The following GRIK2 variants were observed in gnomAD, a reference collection of about 807,000 sequenced individuals.
The protein encoded by GRIK2 is glutamate ionotropic receptor kainate type subunit 2.
GRIK2 carries 32 observed loss-of-function variants against 100.3 expected under a neutral mutation model. That is an observed-to-expected ratio of 0.32 (90% CI 0.24 to 0.43). GRIK2 has a LOEUF of 0.43. GRIK2 is among the 20% of genes least tolerant of loss of function. The pLI, the probability that GRIK2 is intolerant of heterozygous loss-of-function variation, is 1.00. For synonymous variants in GRIK2, 417 were observed against 389.4 expected, an observed-to-expected ratio of 1.07 and a Z score of -0.83; for missense variants, 843 against 1,114.9, an observed-to-expected ratio of 0.76 and a Z score of 3.47.
chr6:101,767,713 T>A (rs1778122938), intron 7 of GRIK2, among the ~76,000 whole-genome samples: 1 of 152,048 alleles, frequency 6.6e-6, no homozygotes, highest in African/African-American at 2.4e-5. Flanking sequence ...GTCAGGAGCA[T>A]GGGTGGTGGG....
At chr6:101,713,122 C>T (rs1291296714) in intron 7 of GRIK2, among the ~76,000 whole-genome samples, 1 of 151,752 alleles carries the variant, frequency 6.6e-6, no homozygotes, top group Non-Finnish European at 1.5e-5. Context: ...GGCAGGCTGT[C>T]AGCAAACCAA....
chr6:101,987,951 G>C (rs1794111261), intron 14 of GRIK2, among the ~76,000 whole-genome samples: 2 of 151,446 alleles, frequency 1.3e-5, no homozygotes, highest in Non-Finnish European at 3.0e-5. Context: ...GTGTTACCTT[G>C]GAAACTATTT....
intron 2 of GRIK2, among the ~76,000 whole-genome samples, chr6:101,573,795 A>G (rs552543704): frequency 3.4e-4 from 52 of 152,230 alleles, no homozygotes; most frequent in African/African-American, 1.2e-3. Context: ...TATTTAACCA[A>G]TATAAATTGA....
At chr6:101,530,993 G>A (rs536108109) in intron 2 of GRIK2, among the ~76,000 whole-genome samples, 4 of 151,946 alleles carry the variant, frequency 2.6e-5, no homozygotes, top group Non-Finnish European at 5.9e-5. Flanking sequence ...TCAGAGAATC[G>A]GAATGTGAGA....
intron 4 of GRIK2, 47 bp from the exon 5 acceptor site, chr6:101,676,575 TA>T: frequency 9.0e-7 from 1 of 1,110,782 alleles, no homozygotes; most frequent in South Asian, 1.6e-5. Context: ...TGCCCTACTC[TA>T]TTTTTTATCT....
rs568106215 is a variant in GRIK2 at position 101,430,545 on chromosome 6, C to T, written c.115+31153C>T. On this transcript the variant is annotated intron_variant, in intron 2 of 16. Transcript: ENST00000369134. ...GTGTTGGGTGTCCGGGCAGTGATCT[C>T]CTTCTATATCCTGTCAGTGATGCCC... 5.5e-5 allele frequency: 9 copies of T among 164,224 alleles called. No individual in the cohort carries two copies. The South Asian group carries it at 1.4e-3, about 26-fold the overall frequency. The allele number at this position is 164,224 out of a possible 1,614,324, so 10.2% of individuals were successfully genotyped here.
intron 5 of GRIK2, among the ~76,000 whole-genome samples, chr6:101,677,994 C>T (rs570304555): frequency 4.6e-4 from 70 of 152,092 alleles, no homozygotes; most frequent in Admixed American, 8.5e-4. Flanking sequence ...TAAAACAACG[C>T]ACTAAGATTA....
At chr6:101,759,135 C>T (rs990261670) in intron 7 of GRIK2, among the ~76,000 whole-genome samples, 1 of 152,110 alleles carries the variant, frequency 6.6e-6, no homozygotes, top group Non-Finnish European at 1.5e-5. Context: ...TAGGCATATT[C>T]TCTGCATCTG....
At chr6:101,526,168 A>C (rs940082780) in intron 2 of GRIK2, among the ~76,000 whole-genome samples, 1 of 152,146 alleles carries the variant, frequency 6.6e-6, no homozygotes, top group African/African-American at 2.4e-5. Context: ...ATCACCCTTG[A>C]CTTCAATTCA....
At chr6:101,743,919 G>C (rs902462651) in intron 7 of GRIK2, among the ~76,000 whole-genome samples, 1 of 151,972 alleles carries the variant, frequency 6.6e-6, no homozygotes, top group African/African-American at 2.4e-5. Context: ...TCCATTACCT[G>C]AGAAGTGTAC....
At chr6:101,657,038 A>T (rs532123548) in intron 4 of GRIK2, among the ~76,000 whole-genome samples, 31 of 152,332 alleles carry the variant, frequency 2.0e-4, no homozygotes, top group African/African-American at 7.5e-4. Flanking sequence ...CTTCATCTGC[A>T]GGTGGGGCTG....
intron 2 of GRIK2, among the ~76,000 whole-genome samples, chr6:101,617,397 T>C (rs1195444943): frequency 6.6e-6 from 1 of 151,832 alleles, no homozygotes; most frequent in Non-Finnish European, 1.5e-5. Context: ...CATTTGTTTG[T>C]GAGATTCATC....
chr6:101,522,346 T>A (rs549110641), intron 2 of GRIK2, among the ~76,000 whole-genome samples: 9 of 152,282 alleles, frequency 5.9e-5, no homozygotes, highest in Admixed American at 5.9e-4. Flanking sequence ...AGATAGGTTA[T>A]GTTATGATGC....
At chr6:101,711,076 A>G (rs911378219) in intron 7 of GRIK2, among the ~76,000 whole-genome samples, 8 of 151,704 alleles carry the variant, frequency 5.3e-5, no homozygotes, top group African/African-American at 1.9e-4. Flanking sequence ...GATTCCATGG[A>G]AGTTCACAAG....
intron 2 of GRIK2, among the ~76,000 whole-genome samples, chr6:101,513,796 A>G (rs1375103605): frequency 6.6e-6 from 1 of 152,056 alleles, no homozygotes; most frequent in East Asian, 1.9e-4. Context: ...AACTTATATT[A>G]GCAATAAAAC....
chr6:101,578,521 A>T (rs1777894405), intron 2 of GRIK2, among the ~76,000 whole-genome samples: 1 of 152,278 alleles, frequency 6.6e-6, no homozygotes, highest in South Asian at 2.1e-4. Flanking sequence ...CATATGGGGC[A>T]TTTGAACAAG....
intron 2 of GRIK2, among the ~76,000 whole-genome samples, chr6:101,597,055 A>C (rs895280953): frequency 3.3e-5 from 5 of 151,938 alleles, no homozygotes; most frequent in African/African-American, 1.2e-4. Flanking sequence ...AATACTATGC[A>C]GCCATAGAAA....
intron 2 of GRIK2, among the ~76,000 whole-genome samples, chr6:101,534,832 T>C (rs537385424): frequency 4.2e-4 from 64 of 151,704 alleles, no homozygotes; most frequent in African/African-American, 1.5e-3. Flanking sequence ...CATAATGACT[T>C]TTTTTTTCAA....
chr6:101,799,664 T>C lies in GRIK2; in HGVS notation c.968T>C (p.Met323Thr), dbSNP rs749094096. The change falls in exon 8 of 17, where the codon ATG (methionine) becomes ACG (threonine). Residue 323 changes from methionine to threonine, a missense_variant. Met to Thr is a moderately conservative substitution (Grantham distance 81). Transcript: ENST00000369134. ...GCTTTTCAGACTGATGCTGCTCTAA[T>C]GTATGATGCTGTGCATGTGGTGTCT... The part of the protein sequence containing the change: ...DGFMTTDAAL[M>T]YDAVHVVSVA... 46 of 1,612,828 alleles carry C rather than the reference T, an allele frequency of 2.9e-5. No individual in the cohort carries two copies. Among genetic ancestry groups the C allele is most frequent in the Non-Finnish European group, 3.9e-5 (46 of 1,179,006 alleles).
Sources: allele counts gnomAD v4.1 joint callset (sites outside exome capture counted in the v4.1 genomes callset), GRCh38; gene constraint gnomAD v4.1.1; transcripts MANE v1.5; gene names NCBI Gene and HGNC (gene_info 2026-07-23, HGNC 2026-07-21).